LMF1: variants seen among roughly 807,000 people sequenced by gnomAD.
LMF1 encodes the protein lipase maturation factor 1.
LMF1 carries 68 observed loss-of-function variants against 60.6 expected under a neutral mutation model. The observed-to-expected ratio is 1.12, with a 90% CI of 0.92 to 1.37. The LOEUF is 1.37. Among genes scored for constraint, LMF1 ranks in the 40% most tolerant of loss-of-function variants. The pLI is 0.00. For synonymous variants in LMF1, 418 were observed against 324.7 expected (o/e 1.29, Z -3.09); for missense variants, 948 against 767.2 (o/e 1.24, Z -2.78).
intron 1 of LMF1, among the ~76,000 whole-genome samples, chr16:965,559 T>TGA (rs2072906890): frequency 6.6e-6 from 1 of 152,350 alleles, no homozygotes; most frequent in South Asian, 2.1e-4. Flanking sequence ...TGCTTGAAGA[T>TGA]GCCTCCTCAA....
chr16:859,754 T>A (rs74185837), intron 10 of LMF1, among the ~76,000 whole-genome samples: 1 of 65,838 alleles, frequency 1.5e-5, no homozygotes. Context: ...CAGTGGTGTC[T>A]CGGGATGGGT....
At position 918,275 on chromosome 16, in the gene LMF1, G is replaced by C. The variant is rs374468705; in HGVS notation, c.515-7196C>G. Among the ~76,000 whole-genome samples the C allele has an allele frequency of 2.6e-4, 40 of 152,324 alleles. No individual in the cohort carries two copies. The South Asian group carries it at 4.4e-3, about 17-fold the overall frequency. Reference sequence around the variant, plus strand: ...ACCCCTGCGCCCGGCCGCGCGGCTTGTTCGTACTTGGTTGCCGTGACAACC... The same window carrying C: ...ACCCCTGCGCCCGGCCGCGCGGCTTCTTCGTACTTGGTTGCCGTGACAACC... On this transcript the variant is annotated intron_variant, in intron 3 of 10. Coordinates refer to ENST00000262301, the MANE Select transcript of LMF1 (RefSeq NM_022773.4).
At chr16:958,475 C>G (rs538772026) in intron 1 of LMF1, among the ~76,000 whole-genome samples, 1 of 152,320 alleles carries the variant, frequency 6.6e-6, no homozygotes, top group Admixed American at 6.5e-5. Context: ...GGAAGGTGTA[C>G]GGATGGCAAA....
intron 5 of LMF1, among the ~76,000 whole-genome samples, chr16:888,253 G>A (rs1450476640): frequency 3.3e-5 from 5 of 152,210 alleles, no homozygotes; most frequent in African/African-American, 7.2e-5. Flanking sequence ...GCTGCCCTGT[G>A]CCGCGTCTGG....
chr16:925,069 G>C (rs1056406656), intron 3 of LMF1, among the ~76,000 whole-genome samples: 1 of 152,206 alleles, frequency 6.6e-6, no homozygotes, highest in African/African-American at 2.4e-5. Context: ...ATGCCTGCTG[G>C]GCTGAGCTGC....
intron 5 of LMF1, among the ~76,000 whole-genome samples, chr16:885,793 C>T (rs188101530): frequency 2.2e-4 from 34 of 152,288 alleles, no homozygotes; most frequent in Non-Finnish European, 2.4e-4. Context: ...ATCTCAATCT[C>T]CCTTATCTCA....
intron 1 of LMF1, among the ~76,000 whole-genome samples, chr16:960,363 ACACAGACTCACGGTGACAG>A (rs1194490832): frequency 4.7e-5 from 4 of 85,016 alleles, no homozygotes; most frequent in Non-Finnish European, 9.9e-5. Flanking sequence ...CACGACCCAG[ACACAGACTCACGGTGACAG>A]CACGGGATCA....
intron 4 of LMF1, chr16:900,473 CTTATT>C (rs1286277319): frequency 3.9e-5 from 6 of 152,114 alleles, no homozygotes; most frequent in African/African-American, 9.7e-5. Context: ...GTTTGGACAT[CTTATT>C]TTATTTATTT....
At chr16:880,796 G>C (rs1408739144) in intron 5 of LMF1, among the ~76,000 whole-genome samples, 13 of 152,268 alleles carry the variant, frequency 8.5e-5, no homozygotes, top group Non-Finnish European at 1.3e-4. Context: ...ACGGGATCCA[G>C]AGTGGCACTG....
At chr16:908,854 G>A (rs146932343) in intron 4 of LMF1, among the ~76,000 whole-genome samples, 7 of 152,368 alleles carry the variant, frequency 4.6e-5, no homozygotes, top group African/African-American at 1.2e-4. Flanking sequence ...CATTGCGGAC[G>A]GGTGCCCACC....
chr16:950,486 GCCA>G (rs200481834), intron 2 of LMF1, among the ~76,000 whole-genome samples: 2 of 119,070 alleles, frequency 1.7e-5, no homozygotes, highest in African/African-American at 4.2e-5. Flanking sequence ...CAGAGTCAGA[GCCA>G]ACGACAGAGT....
At chr16:918,699 AGGCACTCAAAGGCAGCCT>A (rs2071344912) in intron 3 of LMF1, among the ~76,000 whole-genome samples, 1 of 152,114 alleles carries the variant, frequency 6.6e-6, no homozygotes, top group East Asian at 1.9e-4. Flanking sequence ...TCAGGCCTTG[AGGCACTCAAAGGCAGCCT>A]GCGTGGCTGA....
At position 943,868 on chromosome 16, in the gene LMF1, G is replaced by C. The variant is rs191697378; in HGVS notation, c.504-9614C>G. On this transcript the variant is annotated intron_variant, in intron 2 of 10. Transcript: ENST00000262301. ...TTCTTGTGACCCTTTTTTGTTTCCT[G>C]TATAGGGATCCTATTTTCCTGTTTC... 9.9e-5 allele frequency among the ~76,000 whole-genome samples: 15 copies of C among 151,196 alleles called. No individual in the cohort carries two copies. The East Asian group carries it at 2.9e-3, about 29-fold the overall frequency.
In LMF1 at chr16:897,422, C is replaced by A. The variant is rs2070696780; in HGVS notation, c.664-4350G>T. On this transcript the variant is annotated intron_variant, in intron 4 of 10. Transcript: ENST00000262301. The surrounding 1 kb of genome is among the most constrained non-coding windows in gnomAD (Gnocchi z 4.3). ...TTGAGGAGGGGGCGCCGCCAGGCCTCCCTCCGAGCCACAACCTCCTCCATC... is the reference window on the plus strand; with the variant it reads ...TTGAGGAGGGGGCGCCGCCAGGCCTACCTCCGAGCCACAACCTCCTCCATC... Among the ~76,000 whole-genome samples the A allele has an allele frequency of 6.6e-6, 1 of 152,200 alleles. No homozygotes were observed. The highest frequency in any genetic ancestry group is 1.5e-5 in the Non-Finnish European group (1 of 68,040).
chr16:965,327 G>A (rs1050912559), intron 1 of LMF1, among the ~76,000 whole-genome samples: 8 of 152,202 alleles, frequency 5.3e-5, no homozygotes, highest in East Asian at 1.9e-4. Flanking sequence ...TGGGGCATGC[G>A]GTGTTTGGAA....
In LMF1 at chr16:952,012, A is replaced by C. The variant is rs545449325; in HGVS notation, c.503+2345T>G. ...TCCCGTGAGAGCGCCTGACCCCAGCACACCACTTCAGCCTGTGCTGACAGC... is the reference window on the plus strand; with the variant it reads ...TCCCGTGAGAGCGCCTGACCCCAGCCCACCACTTCAGCCTGTGCTGACAGC... On this transcript the variant is annotated intron_variant, in intron 2 of 10. Coordinates refer to ENST00000262301, the MANE Select transcript of LMF1 (RefSeq NM_022773.4). Among the ~76,000 whole-genome samples the C allele has an allele frequency of 2.6e-5, 4 of 152,164 alleles. No homozygotes were observed. The East Asian group carries it at 7.8e-4, about 30-fold the overall frequency.
At chr16:947,796 T>TGACAGAGTCAGAGACAAC (rs2072276651) in intron 2 of LMF1, among the ~76,000 whole-genome samples, 2 of 148,620 alleles carry the variant, frequency 1.3e-5, no homozygotes, top group African/African-American at 5.0e-5. Flanking sequence ...AGTCAGCCAA[T>TGACAGAGTCAGAGACAAC]GACAGAGTCA....
In LMF1 at chr16:968,069, GT is replaced by G. The variant is rs559757926; in HGVS notation, c.193+2718del. ...TGCCCGACACCCCAGGACGCCCGCGGTATGCACGTCTGTGTGCAGTGAGCAC... is the reference window on the plus strand; with the variant it reads ...TGCCCGACACCCCAGGACGCCCGCGGATGCACGTCTGTGTGCAGTGAGCAC... On this transcript the variant is annotated intron_variant, in intron 1 of 10. Coordinates refer to ENST00000262301, the MANE Select transcript of LMF1 (RefSeq NM_022773.4). Among the ~76,000 whole-genome samples, 250 of 152,344 alleles carry G rather than the reference GT, an allele frequency of 1.6e-3. 1 individual carries two copies. Among genetic ancestry groups the G allele is most frequent in the African/African-American group, 5.8e-3 (241 of 41,586 alleles).
intron 2 of LMF1, among the ~76,000 whole-genome samples, chr16:948,561 C>T (rs1407036537): frequency 6.7e-6 from 1 of 149,262 alleles, no homozygotes; most frequent in East Asian, 2.0e-4. Flanking sequence ...GACACAGCGA[C>T]AGAGTTAGAG....
Sources: gnomAD v4.1 joint callset for allele counts (sites outside exome capture counted in the v4.1 genomes callset) on GRCh38, gnomAD v4.1.1 for gene constraint, Gnocchi (gnomAD v3.1) non-coding constraint, MANE v1.5 for transcripts, NCBI Gene and HGNC (gene_info 2026-07-23, HGNC 2026-07-21) for gene names.